GPR89B: variants seen among roughly 807,000 people sequenced by gnomAD.
The protein encoded by GPR89B is golgi pH regulator B, also known as G protein-coupled receptor 89B.
Under a neutral mutation model 52.4 loss-of-function variants are expected in GPR89B, and 25 were observed. The observed-to-expected ratio is 0.48, with a 90% CI of 0.35 to 0.67. GPR89B has a LOEUF of 0.67. Ranked by LOEUF, GPR89B falls within the 30% of genes least tolerant of loss-of-function variation. The pLI, the probability that GPR89B is intolerant of heterozygous loss-of-function variation, is 0.01. For synonymous variants in GPR89B, 52 were observed against 151.2 expected (o/e 0.34, Z 4.81); for missense variants, 146 against 450.2 (o/e 0.32, Z 6.11).
chr1:147,949,290 A>G (rs587682054), intron 5 of GPR89B, among the ~76,000 whole-genome samples: 4,442 of 147,426 alleles, frequency 0.03, 94 homozygotes, highest in African/African-American at 0.052. Flanking sequence ...CCTCCCAGAC[A>G]GGGTGGTGGC....
At chr1:147,980,045 C>T (rs1237705890) in intron 10 of GPR89B, among the ~76,000 whole-genome samples, 67 of 150,636 alleles carry the variant, frequency 4.4e-4, no homozygotes, top group African/African-American at 1.2e-3. Context: ...ATTATCACGC[C>T]GCTGCACTCC....
chr1:148,025,333 CAG>C, the GPR89B span, among the ~76,000 whole-genome samples: 1 of 151,686 alleles, frequency 6.6e-6, no homozygotes, highest in Non-Finnish European at 1.5e-5. Context: ...GCCCCACCAC[CAG>C]GCAAATGTCA....
chr1:147,968,681 G>T, intron 8 of GPR89B, 194 bp from the exon 9 acceptor site: 2 of 684,140 alleles, frequency 2.9e-6, no homozygotes, highest in East Asian at 2.6e-5. Context: ...GCTCTTGATG[G>T]AGAAGCTTTT....
At chr1:147,971,747 T>C (rs1207608136) in intron 10 of GPR89B, among the ~76,000 whole-genome samples, 1 of 152,006 alleles carries the variant, frequency 6.6e-6, no homozygotes, top group African/African-American at 2.4e-5. Flanking sequence ...CCCAAAGTGC[T>C]GGGATTACAG....
rs200955957 is a variant in GPR89B at position 147,945,701 on chromosome 1, C to T, written c.415+1603C>T. ...TGCTCTCTATACATGTTGCATTCTCCAGTCCTGTGAAATTATTTCAAGTTT... is the reference window on the plus strand; with the variant it reads ...TGCTCTCTATACATGTTGCATTCTCTAGTCCTGTGAAATTATTTCAAGTTT... On this transcript the variant is annotated intron_variant, in intron 5 of 13. Coordinates refer to ENST00000314163, the MANE Select transcript of GPR89B (RefSeq NM_016334.5). Among the ~76,000 whole-genome samples the T allele has an allele frequency of 7.9e-3, 1,195 of 151,978 alleles. 18 individuals carry two copies. The highest frequency in any genetic ancestry group is 0.046 in the East Asian group (239 of 5,166).
Position 147,969,934 on chromosome 1 carries a change from T to C in GPR89B, c.884T>C (p.Ile295Thr). The change falls in exon 10 of 14, where the codon ATT becomes ACT. Residue 295 changes from isoleucine (I) to threonine (T), a missense_variant. By Grantham distance (89) the Ile-to-Thr change is moderately conservative (BLOSUM62 -1). Coordinates refer to ENST00000314163, the MANE Select transcript of GPR89B (RefSeq NM_016334.5). The part of the protein sequence containing the change: ...YFNFLGYFFS[I>T]YCVWKIFMAT... ...AATTTTCTTGGTTACTTTTTCTCTA[T>C]TTACTGTGTTTGGAAAATTTTCATG... The C allele has an allele frequency of 1.4e-6, 2 of 1,479,978 alleles. No homozygotes were observed. The highest frequency in any genetic ancestry group is 1.8e-6 in the Non-Finnish European group (2 of 1,108,748). 91.7% of individuals were successfully genotyped at this position (1,479,978 alleles called of 1,614,324 possible). A position where few individuals can be genotyped will look rare whatever the true frequency, so the allele number is the denominator to read the frequency against.
intron 5 of GPR89B, among the ~76,000 whole-genome samples, chr1:147,949,647 A>C (rs1304978819): frequency 1.5e-5 from 2 of 130,420 alleles, no homozygotes; most frequent in Non-Finnish European, 3.2e-5. Context: ...TCCCTCCCGG[A>C]TGGGGCGGCT....
At chr1:148,006,123 C>T in the GPR89B span, among the ~76,000 whole-genome samples, 7 of 152,078 alleles carry the variant, frequency 4.6e-5, no homozygotes, top group African/African-American at 1.5e-4. Context: ...AGCCTTTACT[C>T]AGTGGGTATT....
rs1657883333 is a variant in GPR89B at position 147,977,029 on chromosome 1, T to C, written c.909+7070T>C. Among the ~76,000 whole-genome samples the C allele has an allele frequency of 4.6e-5, 7 of 151,564 alleles. No homozygotes were observed. The South Asian group carries it at 1.5e-3, about 31-fold the overall frequency. On this transcript the variant is annotated intron_variant, in intron 10 of 13. Transcript: ENST00000314163. Reference sequence around the variant, plus strand: ...GCGGGCAGATCACGAGGTCAGAAGATCGAGACCATCCTGGCTAACACGGTG... The same window carrying C: ...GCGGGCAGATCACGAGGTCAGAAGACCGAGACCATCCTGGCTAACACGGTG...
At chr1:147,951,917 A>G (rs1179702427) in intron 5 of GPR89B, among the ~76,000 whole-genome samples, 2 of 151,976 alleles carry the variant, frequency 1.3e-5, no homozygotes, top group African/African-American at 2.4e-5. Context: ...TTGCAGATGT[A>G]TATTCAATGT....
chr1:147,990,782 G>A (rs1355277083), intron 12 of GPR89B, among the ~76,000 whole-genome samples: 2 of 150,960 alleles, frequency 1.3e-5, no homozygotes, highest in Non-Finnish European at 2.9e-5. Flanking sequence ...TATTTCTGAG[G>A]GCTCTGTTCT....
At chr1:147,950,913 G>A in intron 5 of GPR89B, among the ~76,000 whole-genome samples, 1 of 152,278 alleles carries the variant, frequency 6.6e-6, no homozygotes, top group African/African-American at 2.4e-5. Flanking sequence ...AGCATCAGTG[G>A]GAGACCGTGG....
Position 147,965,751 on chromosome 1 carries a change from C to T in GPR89B, c.618-803C>T, listed in dbSNP as rs1299634626. On this transcript the variant is annotated intron_variant, in intron 7 of 13. Coordinates refer to ENST00000314163, the MANE Select transcript of GPR89B (RefSeq NM_016334.5). ...TTTTGCTATTTTTTTTTCCTTTTGTCTGCCTTTGAAAAAGAAGGAAGAAAA... is the reference window on the plus strand; with the variant it reads ...TTTTGCTATTTTTTTTTCCTTTTGTTTGCCTTTGAAAAAGAAGGAAGAAAA... Among the ~76,000 whole-genome samples the T allele has an allele frequency of 4.3e-4, 65 of 152,064 alleles. 1 individual carries two copies. Among genetic ancestry groups the T allele is most frequent in the African/African-American group, 1.4e-3 (59 of 41,434 alleles).
chr1:147,990,808 A>G (rs1174166600), intron 12 of GPR89B, among the ~76,000 whole-genome samples: 1 of 150,736 alleles, frequency 6.6e-6, no homozygotes, highest in Non-Finnish European at 1.5e-5. Context: ...ATTGGTCTGT[A>G]TCTCTGTTTT....
At chr1:147,947,013 C>G (rs1655027201) in intron 5 of GPR89B, among the ~76,000 whole-genome samples, 1 of 151,952 alleles carries the variant, frequency 6.6e-6, no homozygotes, top group Non-Finnish European at 1.5e-5. Flanking sequence ...TCCCAACAAC[C>G]AGTATGGTTG....
chr1:148,019,400 C>T, the GPR89B span, among the ~76,000 whole-genome samples: 1 of 149,482 alleles, frequency 6.7e-6, no homozygotes, highest in African/African-American at 2.5e-5. Flanking sequence ...GGGGCAAGGA[C>T]AACAGACACT....
At chr1:148,013,155 G>T in the GPR89B span, among the ~76,000 whole-genome samples, 6 of 152,050 alleles carry the variant, frequency 3.9e-5, no homozygotes, top group Non-Finnish European at 7.3e-5. Context: ...TGGGGCGGGC[G>T]TGAGAGGTTT....
At chr1:147,971,515 C>T (rs1184534746) in intron 10 of GPR89B, among the ~76,000 whole-genome samples, 1 of 134,912 alleles carries the variant, frequency 7.4e-6, no homozygotes, top group Non-Finnish European at 1.5e-5. Context: ...CTCTCTGTCT[C>T]CCAGGCTGGA....
chr1:148,015,293 A>ATC, the GPR89B span, among the ~76,000 whole-genome samples: 11,707 of 69,748 alleles, frequency 0.17, 1,543 homozygotes, highest in East Asian at 0.23. Context: ...GGATTCTAGG[A>ATC]TCTCTCTCTC....
Sources: allele counts gnomAD v4.1 joint callset (sites outside exome capture counted in the v4.1 genomes callset), GRCh38; gene constraint gnomAD v4.1.1; transcripts MANE v1.5; gene names NCBI Gene and HGNC (gene_info 2026-07-23, HGNC 2026-07-21).